The following PTPN1 variants were observed in gnomAD, a reference collection of about 807,000 sequenced individuals.
The protein encoded by PTPN1 is protein tyrosine phosphatase non-receptor type 1.
In PTPN1, 12 loss-of-function variants were observed where a neutral mutation model predicts 59.9. That is an observed-to-expected ratio of 0.20 (90% CI 0.13 to 0.32). The LOEUF (loss-of-function observed/expected upper bound fraction) is 0.32. PTPN1 is among the 10% of genes least tolerant of loss of function. The pLI is 1.00. For synonymous variants in PTPN1, 178 were observed against 203.6 expected, an observed-to-expected ratio of 0.87 and a Z score of 1.07; for missense variants, 356 against 549.2, an observed-to-expected ratio of 0.65 and a Z score of 3.52.
chr20:50,549,021 G>A (rs1029996138), intron 1 of PTPN1, among the ~76,000 whole-genome samples: 2 of 152,178 alleles, frequency 1.3e-5, no homozygotes, highest in South Asian at 2.1e-4. Context: ...CTTGGCCCAA[G>A]TATGTTTATT....
intron 1 of PTPN1, among the ~76,000 whole-genome samples, chr20:50,545,218 A>G (rs983576403): frequency 6.6e-6 from 1 of 152,058 alleles, no homozygotes; most frequent in Non-Finnish European, 1.5e-5. Context: ...AGCCCCCCAA[A>G]GTGTTGGGAT....
chr20:50,580,331 A>G lies in PTPN1; in HGVS notation c.1088+405A>G, dbSNP rs551702731. ...TCCTTTGGGGAATGTAACCTTTTTT[A>G]TGTGGTCTTGATTAAATCCCATTTT... On this transcript the variant is annotated intron_variant, in intron 8 of 9. Coordinates refer to ENST00000371621, the MANE Select transcript of PTPN1 (RefSeq NM_002827.4). 3.3e-5 allele frequency among the ~76,000 whole-genome samples: 5 copies of G among 152,162 alleles called. 1 individual carries two copies. The highest frequency in any genetic ancestry group is 2.6e-4 in the Admixed American group (4 of 15,294).
intron 8 of PTPN1, among the ~76,000 whole-genome samples, 155 bp from the exon 9 acceptor site, chr20:50,581,110 C>G (rs1368713955): frequency 6.6e-6 from 1 of 152,168 alleles, no homozygotes; most frequent in East Asian, 1.9e-4. Context: ...GGCCCTCCCT[C>G]CAAGCAGAGG....
At chr20:50,549,418 T>TC (rs1434869918) in intron 1 of PTPN1, among the ~76,000 whole-genome samples, 2 of 152,200 alleles carry the variant, frequency 1.3e-5, no homozygotes, top group African/African-American at 2.4e-5. Flanking sequence ...TTGTTTTTTT[T>TC]CCACGTAGTT....
intron 1 of PTPN1, among the ~76,000 whole-genome samples, chr20:50,513,153 C>T (rs1299683710): frequency 2.6e-5 from 4 of 152,116 alleles, no homozygotes; most frequent in Non-Finnish European, 5.9e-5. Context: ...TTTGCTAGGT[C>T]AGTTTGATAA....
At chr20:50,566,839 G>A (rs117272438) in intron 3 of PTPN1, among the ~76,000 whole-genome samples, 7,664 of 152,248 alleles carry the variant, frequency 0.05, 274 homozygotes, top group Non-Finnish European at 0.076. Context: ...CATGAAGGGA[G>A]TAGTGGAGAG....
rs566385652 is a variant in PTPN1 at position 50,510,401 on chromosome 20, C to G, written c.-127C>G. On this transcript the variant is annotated 5_prime_UTR_variant, in exon 1 of 10. Transcript: ENST00000371621. The stretch of plus-strand genomic sequence containing the variant: ...GGTTGACATGAAGAAGCAGCAGCGG[C>G]TAGGGCGGCGGTAGCTGCAGGGGTC... 36 of 1,005,282 alleles carry G rather than the reference C, an allele frequency of 3.6e-5. No homozygotes were observed. The highest frequency in any genetic ancestry group is 5.1e-5 in the Non-Finnish European group (35 of 690,494). 62.3% of individuals were successfully genotyped at this position (1,005,282 alleles called of 1,614,324 possible).
rs1406534610 is a variant in PTPN1 at position 50,584,060 on chromosome 20, G to A, written c.*1345G>A. The A allele has an allele frequency of 6.5e-6, 1 of 152,676 alleles. No individual in the cohort carries two copies. Among genetic ancestry groups the A allele is most frequent in the Non-Finnish European group, 1.5e-5 (1 of 68,044 alleles). The allele number at this position is 152,676 out of a possible 1,614,324, so 9.5% of individuals were successfully genotyped here. A position where few individuals can be genotyped will look rare whatever the true frequency, so the allele number is the denominator to read the frequency against. ...GTCTGCCCCACCCTCAAACCCTGTG[G>A]GGCCTGATGGTGCTCACGACTCTTC... On this transcript the variant is annotated 3_prime_UTR_variant, in exon 10 of 10. Transcript: ENST00000371621.
At chr20:50,524,567 G>GTTTTTTTTTTTTTTTTTT (rs1386022104) in intron 1 of PTPN1, among the ~76,000 whole-genome samples, 1 of 64,114 alleles carries the variant, frequency 1.6e-5, no homozygotes, top group Non-Finnish European at 3.1e-5. Flanking sequence ...CCATTATGTG[G>GTTTTTTTTTTTTTTTTTT]TCTTTTTTTT....
chr20:50,542,156 C>G (rs1000341494), intron 1 of PTPN1, among the ~76,000 whole-genome samples: 7 of 152,158 alleles, frequency 4.6e-5, no homozygotes, highest in Non-Finnish European at 1.0e-4. Context: ...GAAGGTGATC[C>G]TTAAAACTTG....
intron 1 of PTPN1, among the ~76,000 whole-genome samples, chr20:50,521,040 C>G (rs1052982046): frequency 1.3e-5 from 2 of 152,048 alleles, no homozygotes; most frequent in Non-Finnish European, 2.9e-5. Context: ...TGCCTGATCC[C>G]CCTAATCTAA....
At chr20:50,579,451 G>A in intron 7 of PTPN1, 122 bp downstream of exon 7, 1 of 1,205,344 alleles carries the variant, frequency 8.3e-7, no homozygotes, top group Admixed American at 2.2e-5. Flanking sequence ...TACCCTTCAT[G>A]TTTAAAATAG....
At chr20:50,520,980 T>C (rs968108702) in intron 1 of PTPN1, among the ~76,000 whole-genome samples, 3 of 152,174 alleles carry the variant, frequency 2.0e-5, no homozygotes, top group African/African-American at 7.2e-5. Flanking sequence ...TCTGGAAAAA[T>C]TGGGGCTTCA....
At chr20:50,574,764 C>T (rs1601413882) in intron 5 of PTPN1, 110 bp downstream of exon 5, 1 of 1,375,114 alleles carries the variant, frequency 7.3e-7, no homozygotes, top group East Asian at 2.5e-5. Flanking sequence ...TTTTGTATAC[C>T]CCGAGCAAGA....
chr20:50,554,496 C>T (rs2082717642), intron 1 of PTPN1, among the ~76,000 whole-genome samples: 1 of 151,296 alleles, frequency 6.6e-6, no homozygotes, highest in Non-Finnish European at 1.5e-5. Flanking sequence ...AAAGGAAGTC[C>T]TTGAAACAGA....
In PTPN1 at chr20:50,568,472, AG is replaced by A. The variant is rs1568793057; in HGVS notation, c.350del (p.Gly117ValfsTer3). On this transcript the variant is annotated frameshift_variant, in exon 4 of 10. Transcript: ENST00000371621. LOFTEE classifies it high-confidence loss of function. The surrounding 1 kb of genome is among the most constrained non-coding windows in gnomAD (Gnocchi z 5.6). Reference protein sequence around the residue: ...VVMLNRVMEKGSLKCAQYWPQ... With the variant: ...VVMLNRVMEKXSLKCAQYWPQ... ...TCATGCTCAACAGAGTGATGGAGAAAGGTTCGGTAAGTCTCGGCTTCATTTG... is the reference window on the plus strand; with the variant it reads ...TCATGCTCAACAGAGTGATGGAGAAAGTTCGGTAAGTCTCGGCTTCATTTG... 1 of 1,613,614 alleles carries A rather than the reference AG, an allele frequency of 6.2e-7. No individual in the cohort carries two copies. The highest frequency in any genetic ancestry group is 1.1e-5 in the South Asian group (1 of 91,064).
At chr20:50,558,816 GT>G (rs1487459389) in intron 1 of PTPN1, among the ~76,000 whole-genome samples, 1 of 152,082 alleles carries the variant, frequency 6.6e-6, no homozygotes, top group African/African-American at 2.4e-5. Flanking sequence ...TCCCGTGTCT[GT>G]CATGTAGTTG....
chr20:50,510,470 A>C lies in PTPN1; in HGVS notation c.-58A>C, dbSNP rs534837865. On this transcript the variant is annotated 5_prime_UTR_variant, in exon 1 of 10. Transcript: ENST00000371621. ...CGGGGCTAAGAGCGCGACGCGGCCT[A>C]GAGCGGCAGACGGCGCAGTGGGCCG... 153 of 1,537,612 alleles carry C rather than the reference A, an allele frequency of 1.0e-4. No homozygotes were observed. The highest frequency in any genetic ancestry group is 1.3e-4 in the Non-Finnish European group (149 of 1,137,820).
Position 50,579,321 on chromosome 20 carries a change from TC to T in PTPN1, c.858del (p.Val287CysfsTer48). On this transcript the variant is annotated frameshift_variant, in exon 7 of 10. Coordinates refer to ENST00000371621, the MANE Select transcript of PTPN1 (RefSeq NM_002827.4). LOFTEE classifies it high-confidence loss of function. ...EGAKFIMGDS[S>X]VQDQWKELSH... ...TGCCAAATTCATCATGGGGGACTCT[TC>T]CGTGCAGGTCAGCATTGCCTTTGTT... 6.2e-7 allele frequency: 1 copy of T among 1,613,972 alleles called. No individual in the cohort carries two copies. The highest frequency in any genetic ancestry group is 8.5e-7 in the Non-Finnish European group (1 of 1,179,830).
Sources: gnomAD v4.1 joint callset for allele counts (sites outside exome capture counted in the v4.1 genomes callset) on GRCh38, gnomAD v4.1.1 for gene constraint, Gnocchi (gnomAD v3.1) non-coding constraint, MANE v1.5 for transcripts, NCBI Gene and HGNC (gene_info 2026-07-23, HGNC 2026-07-21) for gene names.